PTCD2: variants seen among roughly 807,000 people sequenced by gnomAD.
PTCD2 encodes pentatricopeptide repeat domain 2.
In PTCD2, 31 loss-of-function variants were observed where a neutral mutation model predicts 42.6. That is an observed-to-expected ratio of 0.73 (90% confidence interval 0.55 to 0.98). The LOEUF (loss-of-function observed/expected upper bound fraction) is 0.98, where lower values mean the gene tolerates loss of function less well. PTCD2 is among the 50% of genes least tolerant of loss of function. PTCD2 has a pLI of 0.00. For missense variants in PTCD2, 476 were observed against 454.8 expected (o/e 1.05, Z -0.42); for synonymous variants, 183 against 170.9 (o/e 1.07, Z -0.55).
chr5:72,365,333 C>G lies in PTCD2; in HGVS notation c.*6906C>G, dbSNP rs945338125. 18 of 152,344 alleles carry G rather than the reference C, an allele frequency of 1.2e-4. No individual in the cohort carries two copies. Among genetic ancestry groups the G allele is most frequent in the African/African-American group, 4.3e-4 (18 of 41,562 alleles). The allele number at this position is 152,344 out of a possible 1,614,324, so 9.4% of individuals were successfully genotyped here. A position where few individuals can be genotyped will look rare whatever the true frequency, so the allele number is the denominator to read the frequency against. ...TGTAAATCCCTTGTCTTCCCTGATT[C>G]CTTTTTCCTGACTGAATCAGGCCAA... is the stretch of plus-strand genomic sequence containing the variant. On this transcript the variant is annotated 3_prime_UTR_variant, in exon 10 of 10. Transcript: ENST00000380639.
rs2112245103 is a variant in PTCD2, at chr5:72,358,952, AT to A, written c.*526del. 1 of 154,424 alleles carries A rather than the reference AT, an allele frequency of 6.5e-6. No individual in the cohort carries two copies. The highest frequency in any genetic ancestry group is 2.4e-5 in the African/African-American group (1 of 41,590). The allele number at this position is 154,424 out of a possible 1,614,324, so 9.6% of individuals were successfully genotyped here. A position where few individuals can be genotyped will look rare whatever the true frequency, so the allele number is the denominator to read the frequency against. On this transcript the variant is annotated 3_prime_UTR_variant, in exon 10 of 10. Transcript: ENST00000380639. ...AACAATAATGCCTATGTGTCTTTGC[AT>A]ATAGATTTGAAATCTTCATTCAAGG...
At chr5:72,326,515 A>C in intron 2 of PTCD2, 97 bp from the exon 3 acceptor site, 3 of 1,320,978 alleles carry the variant, frequency 2.3e-6, no homozygotes, top group Non-Finnish European at 3.2e-6. Flanking sequence ...GCCCCTCTGC[A>C]GTGAGCCGGG....
At chr5:72,322,102 C>T in intron 1 of PTCD2, 70 bp from the exon 2 acceptor site, 2 of 778,942 alleles carry the variant, frequency 2.6e-6, no homozygotes, top group South Asian at 1.4e-5. Flanking sequence ...TAATCCAGCT[C>T]TATTCATGTT....
At chr5:72,347,307 C>T (rs145992865) in intron 8 of PTCD2, among the ~76,000 whole-genome samples, 53 of 152,300 alleles carry the variant, frequency 3.5e-4, no homozygotes, top group Non-Finnish European at 6.9e-4. Context: ...TGTCAAAAAC[C>T]ATGATCCCAC....
chr5:72,320,714 C>A (rs1750783738), intron 1 of PTCD2: 2 of 643,306 alleles, frequency 3.1e-6, no homozygotes, highest in Non-Finnish European at 5.3e-6. Context: ...CGAAGGACTG[C>A]TGGGGTATTG....
At chr5:72,323,954 A>C (rs1335123426) in intron 2 of PTCD2, among the ~76,000 whole-genome samples, 1 of 152,074 alleles carries the variant, frequency 6.6e-6, no homozygotes, top group Non-Finnish European at 1.5e-5. Flanking sequence ...TTCTGCCTCC[A>C]TTCCCTCACA....
In PTCD2 at chr5:72,324,640, C is replaced by T. The variant is rs371775157; in HGVS notation, c.221-1972C>T. On this transcript the variant is annotated intron_variant, in intron 2 of 9. Coordinates refer to ENST00000380639, the MANE Select transcript of PTCD2 (RefSeq NM_024754.5). The stretch of plus-strand genomic sequence containing the variant: ...TTGTAACAGGACTCTTCTGTCCACT[C>T]TGAGTTGTAATAGGTGTCGTAACAG... Among the ~76,000 whole-genome samples, 4 of 152,188 alleles carry T rather than the reference C, an allele frequency of 2.6e-5. No homozygotes were observed. The East Asian group carries it at 5.8e-4, about 22-fold the overall frequency.
At chr5:72,334,264 C>T (rs1000137149) in intron 4 of PTCD2, among the ~76,000 whole-genome samples, 7 of 152,116 alleles carry the variant, frequency 4.6e-5, no homozygotes, top group African/African-American at 1.2e-4. Context: ...TTTCAAAAGG[C>T]GAATAATCAA....
intron 8 of PTCD2, among the ~76,000 whole-genome samples, chr5:72,345,815 A>G (rs1752331860): frequency 6.6e-6 from 1 of 152,196 alleles, no homozygotes; most frequent in Non-Finnish European, 1.5e-5. Flanking sequence ...TGCTAATACT[A>G]ATAGTATTTT....
chr5:72,328,219 T>A (rs753101137), intron 3 of PTCD2, among the ~76,000 whole-genome samples: 5 of 152,200 alleles, frequency 3.3e-5, no homozygotes, highest in Non-Finnish European at 7.3e-5. Context: ...CAGTTCTTGG[T>A]TGGTGTCAGA....
intron 3 of PTCD2, among the ~76,000 whole-genome samples, chr5:72,328,271 G>A (rs1034661820): frequency 6.6e-6 from 1 of 152,236 alleles, no homozygotes; most frequent in African/African-American, 2.4e-5. Context: ...TAGCTGGGCT[G>A]TACTACATGG....
intron 4 of PTCD2, 27 bp from the exon 5 acceptor site, chr5:72,334,991 C>A (rs747452725): frequency 2.0e-6 from 3 of 1,465,128 alleles, no homozygotes; most frequent in South Asian, 1.2e-5. Flanking sequence ...TAACTTTTAA[C>A]CAAACTGTAT....
Position 72,320,495 on chromosome 5 carries a change from G to C in PTCD2, c.113G>C (p.Arg38Pro). ...GVGGSGSVSC[R>P]CPLGAKRYLL... ...GGAGGCTCCGGCTCTGTCAGCTGCC[G>C]CTGCCCTCTCGGAGGTATCCGCGGC... The change falls in exon 1 of 10, where the codon CGC (arginine) becomes CCC (proline). Residue 38 changes from arginine to proline, a missense_variant. Coordinates refer to ENST00000380639, the MANE Select transcript of PTCD2 (RefSeq NM_024754.5). 5 of 1,614,016 alleles carry C rather than the reference G, an allele frequency of 3.1e-6. No individual in the cohort carries two copies. Among genetic ancestry groups the C allele is most frequent in the Non-Finnish European group, 4.2e-6 (5 of 1,180,044 alleles).
At chr5:72,352,814 CACTAA>C in intron 9 of PTCD2, 60 bp downstream of exon 9, 2 of 851,384 alleles carry the variant, frequency 2.3e-6, no homozygotes, top group Non-Finnish European at 3.8e-6. Flanking sequence ...TAAAAATGTC[CACTAA>C]TTTCTCAATT....
chr5:72,335,900 T>A lies in PTCD2; in HGVS notation c.639+15T>A. 1 of 1,527,852 alleles carries A rather than the reference T, an allele frequency of 6.5e-7. No homozygotes were observed. The highest frequency in any genetic ancestry group is 9.1e-7 in the Non-Finnish European group (1 of 1,101,732). The allele number at this position is 1,527,852 out of a possible 1,614,324, so 94.6% of individuals were successfully genotyped here. A position where few individuals can be genotyped will look rare whatever the true frequency, so the allele number is the denominator to read the frequency against. On this transcript the variant is annotated intron_variant, in intron 6 of 9. Transcript: ENST00000380639. The stretch of plus-strand genomic sequence containing the variant: ...GCTACAAACTGGTAAGACTCTTTCC[T>A]CTTAACTTTGAGAGCATTGTGTGTA...
intron 5 of PTCD2, chr5:72,335,560 A>G: frequency 2.4e-6 from 1 of 422,050 alleles, no homozygotes; most frequent in East Asian, 3.7e-5. Context: ...CCCTTAAACT[A>G]AATATCCCAG....
At chr5:72,342,634 C>G (rs1358554493) in intron 7 of PTCD2, among the ~76,000 whole-genome samples, 1 of 152,132 alleles carries the variant, frequency 6.6e-6, no homozygotes. Context: ...TTTCTATGTT[C>G]TAATTATGTA....
chr5:72,326,544 C>G (rs991560006), intron 2 of PTCD2, 68 bp from the exon 3 acceptor site: 3 of 1,574,592 alleles, frequency 1.9e-6, no homozygotes, highest in Admixed American at 1.7e-5. Flanking sequence ...TCCCCATCTT[C>G]CTGAGGTCAG....
In PTCD2 at chr5:72,362,276, G is replaced by A. The variant is rs1251350969; in HGVS notation, c.*3849G>A. 1 of 152,082 alleles carries A rather than the reference G, an allele frequency of 6.6e-6. No homozygotes were observed. The highest frequency in any genetic ancestry group is 1.5e-5 in the Non-Finnish European group (1 of 68,020). 9.4% of individuals were successfully genotyped at this position (152,082 alleles called of 1,614,324 possible). ...GGTGGTGCCCTCATGAATGGGATTT[G>A]TGTCATTATAAAACAAGCCCAAAGA... On this transcript the variant is annotated 3_prime_UTR_variant, in exon 10 of 10. Transcript: ENST00000380639.
Sources: gnomAD v4.1 joint callset for allele counts (sites outside exome capture counted in the v4.1 genomes callset) on GRCh38, gnomAD v4.1.1 for gene constraint, MANE v1.5 for transcripts, NCBI Gene and HGNC (gene_info 2026-07-23, HGNC 2026-07-21) for gene names.